The following CA10 variants were observed in gnomAD, a reference collection of about 807,000 sequenced individuals.
CA10 encodes the protein carbonic anhydrase 10 (inactive), also known as carbonic anhydrase-related protein 10.
CA10 carries 14 observed loss-of-function variants against 44.2 expected under a neutral mutation model. The ratio of observed to expected loss-of-function variants is 0.32; its 90% CI spans 0.21 to 0.50. The LOEUF is 0.50. CA10 is among the 20% of genes least tolerant of loss of function. The pLI, the probability that CA10 is intolerant of heterozygous loss-of-function variation, is 0.99. For synonymous variants in CA10, 159 were observed against 141.6 expected, an observed-to-expected ratio of 1.12 and a Z score of -0.87; for missense variants, 350 against 409.7, an observed-to-expected ratio of 0.85 and a Z score of 1.26.
intron 3 of CA10, among the ~76,000 whole-genome samples, chr17:51,837,815 T>C (rs764981353): frequency 1.3e-5 from 2 of 152,212 alleles, no homozygotes; most frequent in Non-Finnish European, 2.9e-5. Flanking sequence ...GTCAGGTCCA[T>C]GGGAGGCTAG....
intron 1 of CA10, among the ~76,000 whole-genome samples, chr17:52,149,104 G>A (rs2143406345): frequency 6.6e-6 from 1 of 152,284 alleles, no homozygotes; most frequent in Middle Eastern, 3.4e-3. Context: ...GAGGGGAGCG[G>A]AAAGAGAATA....
chr17:51,671,285 A>G (rs563767599), intron 4 of CA10, among the ~76,000 whole-genome samples: 2 of 152,126 alleles, frequency 1.3e-5, no homozygotes, highest in Admixed American at 6.5e-5. Context: ...CCATAGTCCA[A>G]TCCTGACTTT....
chr17:51,892,974 T>C (rs568980750), intron 3 of CA10, among the ~76,000 whole-genome samples: 165 of 152,304 alleles, frequency 1.1e-3, no homozygotes, highest in Non-Finnish European at 1.8e-3. Flanking sequence ...TATTTTTCAT[T>C]ACTTCCAGTT....
At chr17:51,907,978 C>T (rs1478626950) in intron 3 of CA10, among the ~76,000 whole-genome samples, 1 of 152,120 alleles carries the variant, frequency 6.6e-6, no homozygotes, top group African/African-American at 2.4e-5. Flanking sequence ...GTTATCTTCC[C>T]AGAGCCTAAA....
At chr17:51,877,344 A>T (rs1309291963) in intron 3 of CA10, among the ~76,000 whole-genome samples, 1 of 152,224 alleles carries the variant, frequency 6.6e-6, no homozygotes, top group Non-Finnish European at 1.5e-5. Flanking sequence ...TGACTAAATC[A>T]AATTACTATG....
intron 6 of CA10, among the ~76,000 whole-genome samples, chr17:51,647,540 A>T (rs894977461): frequency 1.8e-4 from 28 of 151,904 alleles, no homozygotes; most frequent in Non-Finnish European, 3.5e-4. Context: ...AATATTAATC[A>T]GACCAGTGCT....
At chr17:51,871,483 AC>A (rs1979812673) in intron 3 of CA10, among the ~76,000 whole-genome samples, 1 of 132,780 alleles carries the variant, frequency 7.5e-6, no homozygotes, top group Non-Finnish European at 1.5e-5. Flanking sequence ...CAGGTGATCC[AC>A]CTGCCTTGGC....
At chr17:51,803,569 A>G (rs551271487) in intron 3 of CA10, among the ~76,000 whole-genome samples, 4 of 152,356 alleles carry the variant, frequency 2.6e-5, no homozygotes, top group African/African-American at 9.6e-5. Flanking sequence ...GTGTGAAGGA[A>G]TAAGCAAAGA....
At chr17:51,933,032 C>T (rs1186538386) in intron 2 of CA10, among the ~76,000 whole-genome samples, 1 of 152,112 alleles carries the variant, frequency 6.6e-6, no homozygotes, top group Non-Finnish European at 1.5e-5. Context: ...ACACAAGTGG[C>T]AAATGTGAGC....
chr17:51,668,649 C>T (rs538333755), intron 4 of CA10, among the ~76,000 whole-genome samples: 4 of 152,308 alleles, frequency 2.6e-5, no homozygotes, highest in Middle Eastern at 3.4e-3. Flanking sequence ...GGGACCTCCT[C>T]GGCCTCTGCA....
chr17:51,697,085 G>T (rs1348473976), intron 4 of CA10, among the ~76,000 whole-genome samples: 2 of 139,148 alleles, frequency 1.4e-5, no homozygotes, highest in Non-Finnish European at 3.2e-5. Context: ...GCAACGTAAT[G>T]AAAAAAAAAA....
At chr17:52,127,196 C>T (rs1989137604) in intron 1 of CA10, among the ~76,000 whole-genome samples, 3 of 152,156 alleles carry the variant, frequency 2.0e-5, no homozygotes, top group Admixed American at 2.0e-4. Context: ...ATGGATTTTA[C>T]ATAAATAGCA....
At chr17:51,994,025 C>T (rs762572520) in intron 2 of CA10, among the ~76,000 whole-genome samples, 10 of 151,970 alleles carry the variant, frequency 6.6e-5, no homozygotes, top group East Asian at 2.0e-4. Context: ...ATATATGGCA[C>T]GTAACAGAGA....
At chr17:51,808,108 A>C (rs1489716912) in intron 3 of CA10, among the ~76,000 whole-genome samples, 1 of 152,202 alleles carries the variant, frequency 6.6e-6, no homozygotes, top group Non-Finnish European at 1.5e-5. Flanking sequence ...AGGCTTAGGG[A>C]ATTTGCTGAC....
chr17:52,146,937 T>C (rs1989601892), intron 1 of CA10, among the ~76,000 whole-genome samples: 1 of 152,096 alleles, frequency 6.6e-6, no homozygotes, highest in South Asian at 2.1e-4. Flanking sequence ...CTTTTATCTC[T>C]TTCCTCTCAC....
intron 4 of CA10, among the ~76,000 whole-genome samples, chr17:51,702,251 C>T (rs978275734): frequency 5.9e-5 from 9 of 152,140 alleles, no homozygotes; most frequent in African/African-American, 2.2e-4. Context: ...CAGATGAGAG[C>T]ACAGAGGCCC....
intron 3 of CA10, among the ~76,000 whole-genome samples, chr17:51,857,138 T>C (rs1283037420): frequency 1.3e-5 from 2 of 152,214 alleles, no homozygotes; most frequent in Non-Finnish European, 2.9e-5. Flanking sequence ...TTGTTTTTTA[T>C]TTACCAAAGC....
At chr17:52,087,435 C>G (rs529079573) in intron 1 of CA10, among the ~76,000 whole-genome samples, 19 of 152,346 alleles carry the variant, frequency 1.2e-4, no homozygotes, top group African/African-American at 4.1e-4. Context: ...AGCCACCGCA[C>G]CTGGCCCCTT....
intron 3 of CA10, among the ~76,000 whole-genome samples, chr17:51,758,893 A>G (rs1385805630): frequency 1.3e-5 from 2 of 152,200 alleles, no homozygotes; most frequent in Non-Finnish European, 2.9e-5. Flanking sequence ...TGCTCAGCTC[A>G]TATGGCCAGT....
Sources: allele counts gnomAD v4.1 joint callset (sites outside exome capture counted in the v4.1 genomes callset), GRCh38; gene constraint gnomAD v4.1.1; transcripts MANE v1.5; gene names NCBI Gene and HGNC (gene_info 2026-07-23, HGNC 2026-07-21).